ITPK1: variants seen among roughly 807,000 people sequenced by gnomAD.
ITPK1 encodes inositol-tetrakisphosphate 1-kinase.
A neutral mutation model predicts 45.3 loss-of-function variants in ITPK1; 21 were observed. The ratio of observed to expected loss-of-function variants is 0.46; its 90% CI spans 0.33 to 0.67. The LOEUF is 0.67. Among genes scored for constraint, ITPK1 ranks in the 30% least tolerant of loss-of-function variants. The pLI is 0.02. For synonymous variants in ITPK1, 258 were observed against 253.6 expected (o/e 1.02, Z -0.16); for missense variants, 474 against 573.5 (o/e 0.83, Z 1.77).
chr14:92,945,048 G>C (rs1659824502), intron 10 of ITPK1, among the ~76,000 whole-genome samples: 1 of 152,210 alleles, frequency 6.6e-6, no homozygotes, highest in African/African-American at 2.4e-5. Context: ...ACCTGCCCCT[G>C]TGCTCCAGTG....
At chr14:92,999,123 T>C (rs1487017313) in intron 4 of ITPK1, among the ~76,000 whole-genome samples, 2 of 152,236 alleles carry the variant, frequency 1.3e-5, no homozygotes, top group African/African-American at 4.8e-5. Context: ...CCAGCCCCCA[T>C]CTGCCCTAGG....
At chr14:92,960,127 G>C (rs1013846351) in intron 7 of ITPK1, among the ~76,000 whole-genome samples, 1 of 152,248 alleles carries the variant, frequency 6.6e-6, no homozygotes, top group Admixed American at 6.5e-5. Flanking sequence ...GGGTCTCTGA[G>C]TACATGGGAC....
At chr14:93,066,318 GTA>G (rs754531498) in intron 3 of ITPK1, 147 of 445,120 alleles carry the variant, frequency 3.3e-4, no homozygotes, top group South Asian at 7.4e-4. Flanking sequence ...GTGTGTGTGT[GTA>G]TGTGTGTGTG....
At chr14:93,094,262 G>A (rs1891978656) in intron 2 of ITPK1, among the ~76,000 whole-genome samples, 1 of 152,218 alleles carries the variant, frequency 6.6e-6, no homozygotes. Flanking sequence ...CCCTGTGGGT[G>A]ACTTAAGAAT....
At chr14:93,112,031 A>G (rs1197287851) in intron 2 of ITPK1, among the ~76,000 whole-genome samples, 1 of 152,108 alleles carries the variant, frequency 6.6e-6, no homozygotes, top group East Asian at 1.9e-4. Context: ...GTTGCCATCA[A>G]CGTGCACTAC....
At position 92,962,354 on chromosome 14, in the gene ITPK1, C is replaced by T; in HGVS notation, c.504+1G>A. 6.2e-7 allele frequency: 1 copy of T among 1,606,544 alleles called. No homozygotes were observed. The highest frequency in any genetic ancestry group is 8.5e-7 in the Non-Finnish European group (1 of 1,173,142). Reference sequence around the variant, plus strand: ...CAACAGTCAGATCTTCTTCCACTCACCTCGTGAGAGTTGGTGCCATGAGCC... The same window carrying T: ...CAACAGTCAGATCTTCTTCCACTCATCTCGTGAGAGTTGGTGCCATGAGCC... On this transcript the variant is annotated splice_donor_variant, in intron 7 of 10. Coordinates refer to ENST00000267615, the MANE Select transcript of ITPK1 (RefSeq NM_014216.6). LOFTEE classifies it high-confidence loss of function.
At chr14:93,092,603 A>G (rs1392195116) in intron 2 of ITPK1, among the ~76,000 whole-genome samples, 1 of 152,222 alleles carries the variant, frequency 6.6e-6, no homozygotes, top group African/African-American at 2.4e-5. Flanking sequence ...CCCCCCACCC[A>G]GAGGACATCT....
chr14:93,100,751 T>C (rs1892282986), intron 2 of ITPK1, among the ~76,000 whole-genome samples: 1 of 152,168 alleles, frequency 6.6e-6, no homozygotes, highest in South Asian at 2.1e-4. Flanking sequence ...GAATCAGCCA[T>C]ACAATCGACT....
intron 9 of ITPK1, among the ~76,000 whole-genome samples, chr14:92,951,238 C>A (rs1270092320): frequency 5.3e-5 from 8 of 152,258 alleles, no homozygotes; most frequent in African/African-American, 1.9e-4. Context: ...AGAGGGTAGC[C>A]TTTCCTAAAT....
rs559463771 is a variant in ITPK1, at chr14:93,102,287, G to A, written c.95+12782C>T. ...CAAGCACAGGCCACGGCTTGGCTGC[G>A]CCCAGGTCAAGGTGATAAAAAGGGT... On this transcript the variant is annotated intron_variant, in intron 2 of 10. Transcript: ENST00000267615. Among the ~76,000 whole-genome samples the A allele has an allele frequency of 7.9e-5, 12 of 152,350 alleles. No homozygotes were observed. In the South Asian group the frequency reaches 1.2e-3, roughly 16 times the overall value.
At chr14:93,001,998 CAT>C (rs1334087296) in intron 4 of ITPK1, among the ~76,000 whole-genome samples, 1 of 152,194 alleles carries the variant, frequency 6.6e-6, no homozygotes, top group Non-Finnish European at 1.5e-5. Context: ...CAGGAATGGA[CAT>C]GTTTCCCCCT....
At chr14:92,948,833 C>T (rs1219175816) in intron 9 of ITPK1, among the ~76,000 whole-genome samples, 1 of 140,618 alleles carries the variant, frequency 7.1e-6, no homozygotes, top group Non-Finnish European at 1.5e-5. Flanking sequence ...CCGGGCACCA[C>T]CCACGCTCCA....
chr14:92,941,907 G>A lies in ITPK1; in HGVS notation c.902-3C>T. 2 of 1,610,368 alleles carry A rather than the reference G, an allele frequency of 1.2e-6. No homozygotes were observed. Among genetic ancestry groups the A allele is most frequent in the Non-Finnish European group, 8.5e-7 (1 of 1,179,002 alleles). ...GAACTCGCTCACGCCCTCGTAGCCT[G>A]GGGGTGGGAGAGAGACAGCACAAGG... is the stretch of plus-strand genomic sequence containing the variant. On this transcript the variant is annotated splice_polypyrimidine_tract_variant and splice_region_variant and intron_variant, in intron 10 of 10. Coordinates refer to ENST00000267615, the MANE Select transcript of ITPK1 (RefSeq NM_014216.6).
At chr14:93,011,521 C>T (rs571968030) in intron 4 of ITPK1, among the ~76,000 whole-genome samples, 1 of 152,304 alleles carries the variant, frequency 6.6e-6, no homozygotes, top group South Asian at 2.1e-4. Flanking sequence ...CGGCATCCTT[C>T]GGGGCAGGAG....
chr14:93,006,247 C>A (rs980797154), intron 4 of ITPK1, among the ~76,000 whole-genome samples: 1 of 152,172 alleles, frequency 6.6e-6, no homozygotes, highest in Non-Finnish European at 1.5e-5. Context: ...GTAGGGGAAA[C>A]GCTGGAGCCC....
At chr14:92,970,363 C>T (rs1885584092) in intron 5 of ITPK1, among the ~76,000 whole-genome samples, 1 of 152,224 alleles carries the variant, frequency 6.6e-6, no homozygotes, top group East Asian at 1.9e-4. Flanking sequence ...ACACGACAGG[C>T]ACCCAGCGGG....
intron 5 of ITPK1, among the ~76,000 whole-genome samples, chr14:92,976,220 A>G (rs866931448): frequency 1.2e-4 from 18 of 152,230 alleles, no homozygotes; most frequent in African/African-American, 2.7e-4. Flanking sequence ...AGCAGATAGC[A>G]GATTGTGGGA....
chr14:93,088,914 C>T (rs1891760672), intron 2 of ITPK1, among the ~76,000 whole-genome samples: 1 of 152,224 alleles, frequency 6.6e-6, no homozygotes, highest in Non-Finnish European at 1.5e-5. Flanking sequence ...AATTCCCAGG[C>T]TCCCTTACTC....
intron 5 of ITPK1, among the ~76,000 whole-genome samples, chr14:92,990,780 G>A (rs1238039394): frequency 3.9e-5 from 6 of 152,174 alleles, no homozygotes; most frequent in Admixed American, 3.3e-4. Context: ...GCCCACCTGA[G>A]CACAGACCCT....
Sources: allele counts gnomAD v4.1 joint callset (sites outside exome capture counted in the v4.1 genomes callset), GRCh38; gene constraint gnomAD v4.1.1; transcripts MANE v1.5; gene names NCBI Gene and HGNC (gene_info 2026-07-23, HGNC 2026-07-21).